The following TSHZ2 variants were observed in gnomAD, a reference collection of about 807,000 sequenced individuals.
TSHZ2 encodes the protein teashirt zinc finger homeobox 2, also known as teashirt homolog 2.
A neutral mutation model predicts 74.4 loss-of-function variants in TSHZ2; 21 were observed. The observed-to-expected ratio is 0.28, with a 90% CI of 0.20 to 0.41. The LOEUF (loss-of-function observed/expected upper bound fraction) is 0.41, where lower values mean the gene tolerates loss of function less well. Among genes scored for constraint, TSHZ2 ranks in the 10% least tolerant of loss-of-function variants. The pLI is 1.00. For missense variants in TSHZ2, 1,244 were observed against 1,293.5 expected, an observed-to-expected ratio of 0.96 and a Z score of 0.59; for synonymous variants, 540 against 515.3, an observed-to-expected ratio of 1.05 and a Z score of -0.65.
intron 1 of TSHZ2, among the ~76,000 whole-genome samples, chr20:53,213,345 C>T (rs1318705780): frequency 6.6e-6 from 1 of 152,086 alleles, no homozygotes; most frequent in Non-Finnish European, 1.5e-5. Context: ...CTGGATTAGT[C>T]CTTGAAAAAA....
At chr20:53,298,878 C>T (rs1991429639) in intron 2 of TSHZ2, among the ~76,000 whole-genome samples, 1 of 152,158 alleles carries the variant, frequency 6.6e-6, no homozygotes, top group South Asian at 2.1e-4. Flanking sequence ...CTGTGCAAAA[C>T]TTCTTTTTGT....
chr20:53,133,950 A>AT (rs35893503), intron 1 of TSHZ2, among the ~76,000 whole-genome samples: 9,098 of 131,298 alleles, frequency 0.069, 886 homozygotes, highest in African/African-American at 0.23. Context: ...TCTTTGATAG[A>AT]TTTTTTACCA....
intron 1 of TSHZ2, among the ~76,000 whole-genome samples, chr20:52,987,085 C>G (rs544171455): frequency 2.6e-5 from 4 of 152,250 alleles, no homozygotes; most frequent in Admixed American, 2.6e-4. Flanking sequence ...ATTAAAACTT[C>G]CAAAAACTTT....
intron 1 of TSHZ2, among the ~76,000 whole-genome samples, chr20:53,014,510 G>A (rs1025927295): frequency 7.9e-5 from 12 of 152,108 alleles, no homozygotes; most frequent in Non-Finnish European, 1.2e-4. Context: ...TTGGGGACCA[G>A]GTGGTGACTG....
At chr20:53,251,210 C>G (rs560374106) in intron 1 of TSHZ2, among the ~76,000 whole-genome samples, 5 of 152,310 alleles carry the variant, frequency 3.3e-5, no homozygotes, top group African/African-American at 1.2e-4. Flanking sequence ...GAACATCCTG[C>G]TGACTACCTG....
chr20:53,147,725 G>GTT (rs1987577073), intron 1 of TSHZ2, among the ~76,000 whole-genome samples: 1 of 152,100 alleles, frequency 6.6e-6, no homozygotes, highest in African/African-American at 2.4e-5. Flanking sequence ...GTTTTGTTTT[G>GTT]TTTTGTTTTG....
intron 1 of TSHZ2, among the ~76,000 whole-genome samples, chr20:53,022,250 G>A (rs904948942): frequency 3.3e-5 from 5 of 152,196 alleles, no homozygotes; most frequent in Admixed American, 6.5e-5. Flanking sequence ...GAAATTTATC[G>A]TGGAGTCCCT....
intron 1 of TSHZ2, among the ~76,000 whole-genome samples, chr20:53,173,642 T>C (rs943284540): frequency 2.0e-5 from 3 of 151,418 alleles, no homozygotes; most frequent in East Asian, 1.9e-4. Flanking sequence ...ATAAAGCAGA[T>C]CCATATGGAT....
chr20:53,128,855 C>T lies in TSHZ2; in HGVS notation c.41-124644C>T, dbSNP rs185493218. On this transcript the variant is annotated intron_variant, in intron 1 of 2. Coordinates refer to ENST00000371497, the MANE Select transcript of TSHZ2 (RefSeq NM_173485.6). ...CAGGCTGGTCTTGAACTCCTGACCT[C>T]GGGATCCAATCCCCTCGGCCTCCCA... Among the ~76,000 whole-genome samples the T allele has an allele frequency of 2.0e-3, 311 of 152,200 alleles. 1 individual carries two copies. The highest frequency in any genetic ancestry group is 7.0e-3 in the African/African-American group (290 of 41,528).
intron 1 of TSHZ2, among the ~76,000 whole-genome samples, chr20:53,055,164 C>A (rs759670376): frequency 2.6e-5 from 4 of 152,048 alleles, no homozygotes; most frequent in Non-Finnish European, 4.4e-5. Flanking sequence ...AAATAATTAA[C>A]CCTCTATCCA....
intron 1 of TSHZ2, among the ~76,000 whole-genome samples, chr20:53,203,435 T>G (rs947298600): frequency 1.2e-4 from 19 of 152,128 alleles, no homozygotes; most frequent in Non-Finnish European, 2.8e-4. Flanking sequence ...CCCCAAGTGA[T>G]GTGCCCACCT....
chr20:53,311,355 T>C (rs1216104223), intron 2 of TSHZ2, among the ~76,000 whole-genome samples: 1 of 152,214 alleles, frequency 6.6e-6, no homozygotes, highest in African/African-American at 2.4e-5. Context: ...ATTCAAACCA[T>C]CCTGCCTCAA....
intron 2 of TSHZ2, among the ~76,000 whole-genome samples, chr20:53,370,814 G>C (rs748408764): frequency 2.0e-5 from 3 of 152,178 alleles, no homozygotes; most frequent in Admixed American, 6.5e-5. Flanking sequence ...TGTGGGTTGG[G>C]TTTGGCTGAG....
Position 53,229,373 on chromosome 20 carries a change from C to T in TSHZ2, c.41-24126C>T, listed in dbSNP as rs117506229. Among the ~76,000 whole-genome samples, 547 of 152,288 alleles carry T rather than the reference C, an allele frequency of 3.6e-3. 1 individual carries two copies. The highest frequency in any genetic ancestry group is 6.5e-3 in the Non-Finnish European group (439 of 68,030). ...CAATGCCACCTTGCCATTGGCTTCA[C>T]GCTCACAGAGAGCAAAAGCAGCCAT... On this transcript the variant is annotated intron_variant, in intron 1 of 2. Coordinates refer to ENST00000371497, the MANE Select transcript of TSHZ2 (RefSeq NM_173485.6).
chr20:53,011,499 C>T (rs1982848853), intron 1 of TSHZ2, among the ~76,000 whole-genome samples: 1 of 152,176 alleles, frequency 6.6e-6, no homozygotes, highest in Non-Finnish European at 1.5e-5. Context: ...TTATTTTATG[C>T]TATATAATCC....
chr20:53,387,753 T>TA (rs1293221023), intron 2 of TSHZ2, among the ~76,000 whole-genome samples: 2 of 152,098 alleles, frequency 1.3e-5, no homozygotes, highest in East Asian at 3.8e-4. Flanking sequence ...AATGATAACT[T>TA]AAAAGATAAC....
intron 2 of TSHZ2, among the ~76,000 whole-genome samples, chr20:53,436,058 C>T (rs188765933): frequency 6.6e-6 from 1 of 152,182 alleles, no homozygotes; most frequent in South Asian, 2.1e-4. Flanking sequence ...ATAATGATAA[C>T]ATATTGTTAT....
At chr20:53,119,569 G>A (rs1374935804) in intron 1 of TSHZ2, among the ~76,000 whole-genome samples, 2 of 152,074 alleles carry the variant, frequency 1.3e-5, no homozygotes, top group African/African-American at 4.8e-5. Context: ...TAATCCCAAT[G>A]GAGCTATGTT....
intron 2 of TSHZ2, among the ~76,000 whole-genome samples, chr20:53,387,327 T>C (rs998237476): frequency 3.3e-5 from 5 of 152,224 alleles, no homozygotes; most frequent in African/African-American, 1.2e-4. Context: ...CTGTTGACCA[T>C]CTGGGACCTG....
Sources: allele counts gnomAD v4.1 joint callset (sites outside exome capture counted in the v4.1 genomes callset), GRCh38; gene constraint gnomAD v4.1.1; transcripts MANE v1.5; gene names NCBI Gene and HGNC (gene_info 2026-07-23, HGNC 2026-07-21).